The following ENPP1 variants were observed in gnomAD, a reference collection of about 807,000 sequenced individuals.
ENPP1 encodes ectonucleotide pyrophosphatase/phosphodiesterase family member 1.
A neutral mutation model predicts 122.8 loss-of-function variants in ENPP1; 73 were observed. The ratio of observed to expected loss-of-function variants is 0.59; its 90% confidence interval spans 0.49 to 0.72. ENPP1 has a LOEUF of 0.72. Among genes scored for constraint, ENPP1 ranks in the 30% least tolerant of loss-of-function variants. The probability of loss-of-function intolerance (pLI) is 0.00; values close to 1 mark genes in which losing one functional copy is unlikely to be tolerated. For missense variants in ENPP1, 978 were observed against 1,128.1 expected (o/e 0.87, Z 1.91); for synonymous variants, 367 against 391.6 (o/e 0.94, Z 0.74).
At chr6:131,856,235 G>A (rs1220417691) in intron 6 of ENPP1, among the ~76,000 whole-genome samples, 3 of 152,082 alleles carry the variant, frequency 2.0e-5, no homozygotes, top group Admixed American at 6.6e-5. Context: ...CCCTTTGTTG[G>A]CCAGTGATGA....
At chr6:131,820,743 G>T (rs1265314728) in intron 1 of ENPP1, 1 of 152,164 alleles carries the variant, frequency 6.6e-6, no homozygotes, top group Non-Finnish European at 1.5e-5. Flanking sequence ...GAGAAAGTTT[G>T]GAGACTTTCC....
intron 11 of ENPP1, among the ~76,000 whole-genome samples, chr6:131,865,636 C>CA (rs963327867): frequency 2.6e-5 from 4 of 151,894 alleles, no homozygotes; most frequent in African/African-American, 7.3e-5. Flanking sequence ...ATTTTAATGG[C>CA]AAAAAAACAC....
chr6:131,837,221 TA>T (rs1427452639), intron 1 of ENPP1, among the ~76,000 whole-genome samples: 8 of 147,636 alleles, frequency 5.4e-5, no homozygotes, highest in Non-Finnish European at 7.5e-5. Flanking sequence ...TGTAGTTTGA[TA>T]AATTACTTAA....
At chr6:131,845,451 G>T (rs374076866) in intron 1 of ENPP1, among the ~76,000 whole-genome samples, 10 of 133,052 alleles carry the variant, frequency 7.5e-5, no homozygotes, top group Non-Finnish European at 1.1e-4. Flanking sequence ...GTTTTGGCTT[G>T]TTTTTTTTTT....
chr6:131,835,558 AT>A (rs1309458352), intron 1 of ENPP1, among the ~76,000 whole-genome samples: 1 of 151,958 alleles, frequency 6.6e-6, no homozygotes, highest in African/African-American at 2.4e-5. Flanking sequence ...TATTTTTATT[AT>A]TTTTTTCTTC....
intron 4 of ENPP1, 26 bp downstream of exon 4, chr6:131,851,293 C>T: frequency 6.2e-7 from 1 of 1,613,958 alleles, no homozygotes; most frequent in Non-Finnish European, 8.5e-7. Flanking sequence ...GGCTCTGCAG[C>T]AGCCTGGTAT....
intron 1 of ENPP1, among the ~76,000 whole-genome samples, chr6:131,838,394 A>G (rs988631129): frequency 6.6e-6 from 1 of 152,194 alleles, no homozygotes; most frequent in African/African-American, 2.4e-5. Flanking sequence ...TATCAGGAAG[A>G]ATCTAAAAGA....
At chr6:131,859,805 G>T (rs1257466569) in intron 7 of ENPP1, among the ~76,000 whole-genome samples, 2 of 152,136 alleles carry the variant, frequency 1.3e-5, no homozygotes, top group African/African-American at 2.4e-5. Flanking sequence ...CAGCAGGCTT[G>T]CGAGACTACA....
intron 1 of ENPP1, among the ~76,000 whole-genome samples, chr6:131,839,007 A>G (rs1316350648): frequency 6.6e-6 from 1 of 152,146 alleles, no homozygotes; most frequent in Non-Finnish European, 1.5e-5. Context: ...CTAGGCCCAG[A>G]TATGTTCTCC....
chr6:131,845,687 G>A (rs1298148995), intron 1 of ENPP1, among the ~76,000 whole-genome samples: 2 of 151,910 alleles, frequency 1.3e-5, no homozygotes, highest in Non-Finnish European at 2.9e-5. Context: ...TCAAACTCCT[G>A]GCCTGAAGTG....
intron 1 of ENPP1, among the ~76,000 whole-genome samples, chr6:131,844,436 G>A (rs926574311): frequency 6.6e-6 from 1 of 152,212 alleles, no homozygotes; most frequent in African/African-American, 2.4e-5. Flanking sequence ...TTCAAAATCT[G>A]CCAGTGATTA....
chr6:131,837,778 C>A (rs1048558551), intron 1 of ENPP1, among the ~76,000 whole-genome samples: 1 of 152,080 alleles, frequency 6.6e-6, no homozygotes, highest in Non-Finnish European at 1.5e-5. Context: ...GCATTCTGCT[C>A]TAAGACAATT....
intron 15 of ENPP1, 40 bp downstream of exon 15, chr6:131,873,090 G>A (rs973125883): frequency 5.6e-6 from 9 of 1,610,728 alleles, no homozygotes; most frequent in East Asian, 2.2e-5. Context: ...TAGTCTGATC[G>A]GTTAGTGATT....
chr6:131,828,434 C>T (rs140859312), intron 1 of ENPP1: 644 of 304,206 alleles, frequency 2.1e-3, no homozygotes, highest in Middle Eastern at 9.1e-3. Context: ...TGTAGGAGGA[C>T]AGAAATATAA....
chr6:131,872,854 C>T, intron 14 of ENPP1, 69 bp from the exon 15 acceptor site: 2 of 1,451,562 alleles, frequency 1.4e-6, no homozygotes, highest in Non-Finnish European at 1.9e-6. Context: ...AATATCTTTC[C>T]CTAAAAAAGT....
chr6:131,872,846 T>C, intron 14 of ENPP1, 77 bp from the exon 15 acceptor site: 1 of 1,400,870 alleles, frequency 7.1e-7, no homozygotes. Flanking sequence ...CCCTAATAAA[T>C]ATCTTTCCCT....
chr6:131,845,923 A>C (rs1781804272), intron 1 of ENPP1, among the ~76,000 whole-genome samples: 1 of 152,154 alleles, frequency 6.6e-6, no homozygotes, highest in South Asian at 2.1e-4. Context: ...ATACACACAC[A>C]CACAAAGAAA....
intron 20 of ENPP1, among the ~76,000 whole-genome samples, chr6:131,880,297 C>G (rs2114724136): frequency 6.6e-6 from 1 of 152,230 alleles, no homozygotes; most frequent in East Asian, 1.9e-4. Flanking sequence ...TGCGCAGTGG[C>G]TCATGCCTGT....
At chr6:131,810,034 G>C (rs1355649573) in intron 1 of ENPP1, among the ~76,000 whole-genome samples, 1 of 152,088 alleles carries the variant, frequency 6.6e-6, no homozygotes, top group Non-Finnish European at 1.5e-5. Context: ...CATATCTTTT[G>C]ATGGAACACT....
Sources: gnomAD v4.1 joint callset for allele counts (sites outside exome capture counted in the v4.1 genomes callset) on GRCh38, gnomAD v4.1.1 for gene constraint, MANE v1.5 for transcripts, NCBI Gene and HGNC (gene_info 2026-07-23, HGNC 2026-07-21) for gene names.